Variants in CCDC138 observed in about 807,000 individuals in gnomAD.
The protein encoded by CCDC138 is coiled-coil domain-containing protein 138.
Under a neutral mutation model 82.3 loss-of-function variants are expected in CCDC138, and 66 were observed. The ratio of observed to expected loss-of-function variants is 0.80; its 90% CI spans 0.66 to 0.98. CCDC138 has a LOEUF of 0.98. Among genes scored for constraint, CCDC138 ranks in the 50% least tolerant of loss-of-function variants. The pLI is 0.00. For synonymous variants in CCDC138, 297 were observed against 265.4 expected (o/e 1.12, Z -1.16); for missense variants, 816 against 758.9 (o/e 1.08, Z -0.88).
chr2:108,833,206 A>G (rs1376191087), intron 10 of CCDC138, among the ~76,000 whole-genome samples: 3 of 152,256 alleles, frequency 2.0e-5, no homozygotes, highest in South Asian at 2.1e-4. Flanking sequence ...CAAAATCTGT[A>G]GACTATACAA....
chr2:108,814,207 G>T (rs756943917), intron 9 of CCDC138, among the ~76,000 whole-genome samples: 2 of 152,148 alleles, frequency 1.3e-5, no homozygotes, highest in Non-Finnish European at 2.9e-5. Context: ...GTACAAATGG[G>T]AGTGTAATGA....
intron 12 of CCDC138, among the ~76,000 whole-genome samples, chr2:108,853,921 T>C (rs1442243462): frequency 8.2e-6 from 1 of 122,148 alleles, no homozygotes; most frequent in Non-Finnish European, 1.6e-5. Context: ...ATAGTATATA[T>C]ATTATATATA....
chr2:108,788,288 C>G (rs1249446056), intron 2 of CCDC138, among the ~76,000 whole-genome samples, 199 bp downstream of exon 2: 1 of 151,998 alleles, frequency 6.6e-6, no homozygotes, highest in Non-Finnish European at 1.5e-5. Flanking sequence ...AGCATGGTGG[C>G]GGGCGCCTGT....
chr2:108,852,928 A>G (rs1691760858), intron 12 of CCDC138, among the ~76,000 whole-genome samples: 1 of 152,238 alleles, frequency 6.6e-6, no homozygotes, highest in African/African-American at 2.4e-5. Context: ...ACAGAAGTAA[A>G]ATGAGCAAAT....
chr2:108,873,592 A>G lies in CCDC138; in HGVS notation c.1832+3A>G. On this transcript the variant is annotated splice_donor_region_variant and intron_variant, in intron 14 of 14. Transcript: ENST00000295124. ...TTACAGAAACTTTCCAAAATCAAGT[A>G]AGAATTTCTTATTTCTAACATTTTT... 1 of 1,560,538 alleles carries G rather than the reference A, an allele frequency of 6.4e-7. No homozygotes were observed.
intron 12 of CCDC138, among the ~76,000 whole-genome samples, chr2:108,851,100 G>C (rs1691401702): frequency 1.3e-5 from 2 of 152,068 alleles, no homozygotes; most frequent in South Asian, 4.1e-4. Context: ...GTAGCTCATA[G>C]AACTCAGCGA....
At chr2:108,818,870 A>C (rs1277597438) in intron 10 of CCDC138, among the ~76,000 whole-genome samples, 1 of 151,352 alleles carries the variant, frequency 6.6e-6, no homozygotes, top group Non-Finnish European at 1.5e-5. Flanking sequence ...TTAAGGATGG[A>C]TTTAATATTT....
At chr2:108,856,541 A>G (rs967106811) in intron 12 of CCDC138, among the ~76,000 whole-genome samples, 1 of 152,252 alleles carries the variant, frequency 6.6e-6, no homozygotes, top group Admixed American at 6.5e-5. Flanking sequence ...GTATTAAAAA[A>G]TGTGGCTTGT....
At chr2:108,789,648 G>T (rs1234249614) in intron 3 of CCDC138, among the ~76,000 whole-genome samples, 1 of 152,144 alleles carries the variant, frequency 6.6e-6, no homozygotes, top group East Asian at 1.9e-4. Flanking sequence ...TTAGGCAGCA[G>T]CATTTTACTA....
chr2:108,788,045 A>G lies in CCDC138; in HGVS notation c.107A>G (p.Asn36Ser). The change falls in exon 2 of 15, where the codon AAT becomes AGT. Residue 36 changes from asparagine to serine, a missense_variant. Asn to Ser is a conservative substitution (Grantham distance 46, BLOSUM62 1). Coordinates refer to ENST00000295124, the MANE Select transcript of CCDC138 (RefSeq NM_144978.3). ...TTTTTTTTTTAGTATGATTTTTCAA[A>G]TTTTTATCAGTCTAAGTATAAGAGA... ...GSCPDEYDFS[N>S]FYQSKYKRRT... The G allele has an allele frequency of 2.5e-6, 4 of 1,577,464 alleles. No individual in the cohort carries two copies. The highest frequency in any genetic ancestry group is 1.9e-5 in the Admixed American group (1 of 52,386).
chr2:108,834,288 C>T (rs1303733242), intron 10 of CCDC138, among the ~76,000 whole-genome samples: 1 of 151,136 alleles, frequency 6.6e-6, no homozygotes, highest in African/African-American at 2.4e-5. Context: ...TCTCGGCTCA[C>T]TGCAACCTCT....
rs538887524 is a variant in CCDC138, at chr2:108,872,538, C to T, written c.1694-913C>T. On this transcript the variant is annotated intron_variant, in intron 13 of 14. Transcript: ENST00000295124. Reference sequence around the variant, plus strand: ...TCCTACTATAGCAGAATACCTGAGACTGGGTAAGTTAAAATGAACAGAACT... The same window carrying T: ...TCCTACTATAGCAGAATACCTGAGATTGGGTAAGTTAAAATGAACAGAACT... Among the ~76,000 whole-genome samples the T allele has an allele frequency of 7.8e-3, 1,192 of 152,152 alleles. 22 individuals carry two copies. The highest frequency in any genetic ancestry group is 0.026 in the African/African-American group (1,088 of 41,514).
chr2:108,788,873 G>C lies in CCDC138; in HGVS notation c.173G>C (p.Gly58Ala), dbSNP rs542186183. The C allele has an allele frequency of 6.2e-7, 1 of 1,613,816 alleles. No homozygotes were observed. Among genetic ancestry groups the C allele is most frequent in the Non-Finnish European group, 8.5e-7 (1 of 1,179,716 alleles). ...TSPGDLDIYS[G>A]DKVGSSLKYS... The stretch of plus-strand genomic sequence containing the variant: ...ACAGGTGATTTGGATATCTACTCTG[G>C]AGATAAAGTTGGTTCATCGTTAAAA... Residue 58 changes from glycine to alanine, a missense_variant, in exon 3 of 15, where the codon GGA becomes GCA. By Grantham distance (60) the Gly-to-Ala change is moderately conservative. Transcript: ENST00000295124.
intron 13 of CCDC138, among the ~76,000 whole-genome samples, chr2:108,860,774 G>A (rs1391351810): frequency 6.6e-6 from 1 of 151,608 alleles, no homozygotes; most frequent in African/African-American, 2.4e-5. Flanking sequence ...TACTTTTGTT[G>A]TGTCTTTGCC....
intron 5 of CCDC138, among the ~76,000 whole-genome samples, chr2:108,797,353 C>G (rs1036363365): frequency 6.6e-6 from 1 of 152,094 alleles, no homozygotes; most frequent in South Asian, 2.1e-4. Context: ...AGGAAAGAGA[C>G]GGCAGTATAA....
chr2:108,846,970 A>G, intron 12 of CCDC138, 40 bp downstream of exon 12: 1 of 1,087,412 alleles, frequency 9.2e-7, no homozygotes, highest in Non-Finnish European at 1.4e-6. Flanking sequence ...TTTGAGAAAC[A>G]ATAGAGAATA....
Position 108,811,247 on chromosome 2 carries a change from C to CTTTTTTTTTTTTT in CCDC138, c.856-1381_856-1369dup, listed in dbSNP as rs55661786. ...CTCCCTTTTCTTTCTTTCTCTCTCT[C>CTTTTTTTTTTTTT]TTTTTTTTTTTTTTTGACTGTCTCC... is the stretch of plus-strand genomic sequence containing the variant. On this transcript the variant is annotated intron_variant, in intron 7 of 14. Transcript: ENST00000295124. 9.2e-3 allele frequency among the ~76,000 whole-genome samples: 1,048 copies of CTTTTTTTTTTTTT among 113,682 alleles called. 44 individuals carry two copies. Among genetic ancestry groups the CTTTTTTTTTTTTT allele is most frequent in the African/African-American group, 0.039 (1,005 of 26,060 alleles). The allele number at this position is 113,682 out of a possible 152,430, so 74.6% of individuals were successfully genotyped here.
chr2:108,884,766 A>G (rs1293305506), intron 2 of CCDC138: 1 of 152,128 alleles, frequency 6.6e-6, no homozygotes, highest in African/African-American at 2.4e-5. Flanking sequence ...GGGAAAGGCC[A>G]CTTGACCTCT....
At chr2:108,807,736 G>C (rs948341316) in intron 7 of CCDC138, among the ~76,000 whole-genome samples, 1 of 152,116 alleles carries the variant, frequency 6.6e-6, no homozygotes, top group Non-Finnish European at 1.5e-5. Flanking sequence ...TCCTGCCTCA[G>C]CCTCCCGAGT....
Sources: gnomAD v4.1 joint callset for allele counts (sites outside exome capture counted in the v4.1 genomes callset) on GRCh38, gnomAD v4.1.1 for gene constraint, MANE v1.5 for transcripts, NCBI Gene and HGNC (gene_info 2026-07-23, HGNC 2026-07-21) for gene names.